ENTREP2: variants seen among roughly 807,000 people sequenced by gnomAD.
The protein encoded by ENTREP2 is protein ENTREP2.
the ENTREP2 span, among the ~76,000 whole-genome samples, chr15:29,164,555 A>C: frequency 6.6e-6 from 1 of 152,234 alleles, no homozygotes; most frequent in Non-Finnish European, 1.5e-5. Context: ...ACAAACTTTA[A>C]AGCAATATCA....
the ENTREP2 span, among the ~76,000 whole-genome samples, chr15:29,384,399 G>T: frequency 6.6e-6 from 1 of 151,978 alleles, no homozygotes; most frequent in East Asian, 1.9e-4. Context: ...CCCTCTGCCG[G>T]CACGCTCCTG....
chr15:29,573,240 G>A, the ENTREP2 span, among the ~76,000 whole-genome samples: 4 of 152,240 alleles, frequency 2.6e-5, no homozygotes, highest in South Asian at 2.1e-4. Flanking sequence ...ATCTACTTTC[G>A]CTGTAAAATT....
chr15:29,668,836 T>C, the ENTREP2 span, among the ~76,000 whole-genome samples: 3 of 152,112 alleles, frequency 2.0e-5, no homozygotes, highest in African/African-American at 7.2e-5. Context: ...CACCCATATC[T>C]CAGAAAGGAA....
chr15:29,558,532 A>C, the ENTREP2 span, among the ~76,000 whole-genome samples: 1 of 150,284 alleles, frequency 6.7e-6, no homozygotes, highest in Non-Finnish European at 1.5e-5. Context: ...ACCTCCCCTC[A>C]AACCCTTCAC....
the ENTREP2 span, among the ~76,000 whole-genome samples, chr15:29,393,640 A>C: frequency 6.6e-6 from 1 of 152,130 alleles, no homozygotes; most frequent in Non-Finnish European, 1.5e-5. Flanking sequence ...CAAAGTGCCT[A>C]CTCAGCCAAA....
the ENTREP2 span, among the ~76,000 whole-genome samples, chr15:29,259,885 A>G: frequency 6.6e-6 from 1 of 152,204 alleles, no homozygotes; most frequent in Non-Finnish European, 1.5e-5. Context: ...AAACCTCTGT[A>G]CAAATTGAAG....
chr15:29,142,400 G>C, the ENTREP2 span, among the ~76,000 whole-genome samples: 1 of 152,208 alleles, frequency 6.6e-6, no homozygotes, highest in African/African-American at 2.4e-5. Context: ...GAAGTTCCTG[G>C]TCTGATAGAT....
the ENTREP2 span, among the ~76,000 whole-genome samples, chr15:29,320,201 C>CCA: frequency 1.3e-5 from 2 of 152,164 alleles, no homozygotes; most frequent in East Asian, 1.9e-4. Context: ...GTAAAACACA[C>CCA]CACACACACA....
the ENTREP2 span, among the ~76,000 whole-genome samples, chr15:29,577,349 TGA>T: frequency 1.5e-3 from 212 of 144,446 alleles, 1 homozygote; most frequent in African/African-American, 4.5e-3. Context: ...TGTGTGTGTG[TGA>T]GAGAGAGAAA....
chr15:29,253,465 T>TG, the ENTREP2 span, among the ~76,000 whole-genome samples: 1 of 151,678 alleles, frequency 6.6e-6, no homozygotes, highest in East Asian at 1.9e-4. Flanking sequence ...TTTTTTTTTT[T>TG]TGTGATGGAG....
chr15:29,408,400 T>C, the ENTREP2 span, among the ~76,000 whole-genome samples: 3 of 135,610 alleles, frequency 2.2e-5, no homozygotes, highest in South Asian at 2.3e-4. Flanking sequence ...CCTGGGCTTG[T>C]AGGGGTAACA....
chr15:29,194,123 T>C, the ENTREP2 span, among the ~76,000 whole-genome samples: 3 of 152,162 alleles, frequency 2.0e-5, no homozygotes, highest in Admixed American at 6.5e-5. Flanking sequence ...ATTCTAAAAT[T>C]TATATGGAAT....
chr15:29,312,232 A>G, the ENTREP2 span, among the ~76,000 whole-genome samples: 1 of 152,336 alleles, frequency 6.6e-6, no homozygotes, highest in South Asian at 2.1e-4. Context: ...AACTGTAGAA[A>G]TAACATTCAT....
the ENTREP2 span, among the ~76,000 whole-genome samples, chr15:29,213,737 A>G: frequency 6.6e-5 from 10 of 152,316 alleles, no homozygotes; most frequent in South Asian, 1.7e-3. Context: ...AAAAGAAACT[A>G]CCATCAGAGT....
the ENTREP2 span, among the ~76,000 whole-genome samples, chr15:29,128,214 T>C: frequency 1.2e-4 from 19 of 152,282 alleles, no homozygotes; most frequent in African/African-American, 4.3e-4. Flanking sequence ...CCGTGCCCTT[T>C]CTCCCTCTGC....
chr15:29,260,056 C>A, the ENTREP2 span, among the ~76,000 whole-genome samples: 1 of 152,148 alleles, frequency 6.6e-6, no homozygotes, highest in African/African-American at 2.4e-5. Flanking sequence ...TTCTCAATAT[C>A]TGTATAACAA....
the ENTREP2 span, among the ~76,000 whole-genome samples, chr15:29,313,541 C>T: frequency 6.7e-6 from 1 of 150,368 alleles, no homozygotes; most frequent in East Asian, 2.0e-4. Context: ...TGGATGACAA[C>T]ATATCTGTTT....
At chr15:29,497,588 T>C in the ENTREP2 span, among the ~76,000 whole-genome samples, 1 of 152,214 alleles carries the variant, frequency 6.6e-6, no homozygotes, top group Non-Finnish European at 1.5e-5. Context: ...TAAGTGTTTG[T>C]AGTACTCTCT....
the ENTREP2 span, among the ~76,000 whole-genome samples, chr15:29,640,972 C>T: frequency 6.6e-6 from 1 of 152,146 alleles, no homozygotes; most frequent in African/African-American, 2.4e-5. Flanking sequence ...AAAGGATTTA[C>T]ACCATAATCA....
Sources: allele counts gnomAD v4.1 joint callset (sites outside exome capture counted in the v4.1 genomes callset), GRCh38; gene constraint gnomAD v4.1.1; transcripts MANE v1.5; gene names NCBI Gene and HGNC (gene_info 2026-07-23, HGNC 2026-07-21).